The following CRPPA variants were observed in gnomAD, a reference collection of about 807,000 sequenced individuals.
CRPPA encodes D-ribitol-5-phosphate cytidylyltransferase.
Under a neutral mutation model 52.0 loss-of-function variants are expected in CRPPA, and 43 were observed. The ratio of observed to expected loss-of-function variants is 0.83; its 90% CI spans 0.65 to 1.07. CRPPA has a LOEUF of 1.07. Ranked by LOEUF, CRPPA falls within the 50% of genes least tolerant of loss-of-function variation. The probability of loss-of-function intolerance (pLI) is 0.00; values close to 1 mark genes in which losing one functional copy is unlikely to be tolerated. For missense variants in CRPPA, 629 were observed against 551.7 expected (o/e 1.14, Z -1.40); for synonymous variants, 250 against 203.5 (o/e 1.23, Z -1.94).
At chr7:16,126,634 T>C (rs1337596957) in intron 9 of CRPPA, among the ~76,000 whole-genome samples, 1 of 152,166 alleles carries the variant, frequency 6.6e-6, no homozygotes, top group East Asian at 1.9e-4. Flanking sequence ...TTGGAGATAC[T>C]GAAAACTAAA....
intron 8 of CRPPA, among the ~76,000 whole-genome samples, chr7:16,251,800 A>G (rs577138510): frequency 9.9e-5 from 15 of 152,178 alleles, no homozygotes; most frequent in Non-Finnish European, 2.2e-4. Flanking sequence ...TGATACTCCA[A>G]CATCACAATG....
chr7:16,376,944 C>A (rs1786905171), intron 2 of CRPPA, among the ~76,000 whole-genome samples: 1 of 152,136 alleles, frequency 6.6e-6, no homozygotes. Context: ...ACCAGAAGAA[C>A]TGCCTTAGTG....
chr7:16,320,981 A>C (rs1377895467), intron 3 of CRPPA, among the ~76,000 whole-genome samples: 3 of 152,136 alleles, frequency 2.0e-5, no homozygotes, highest in Non-Finnish European at 4.4e-5. Context: ...TCTTTGAGTA[A>C]AATTATTTAA....
intron 9 of CRPPA, among the ~76,000 whole-genome samples, chr7:16,130,605 G>A (rs183243577): frequency 1.3e-5 from 2 of 152,256 alleles, no homozygotes; most frequent in African/African-American, 2.4e-5. Context: ...GATTTGGAAG[G>A]CTTCCTGGAA....
In CRPPA at chr7:16,398,538, C is replaced by T. The variant is rs555316353; in HGVS notation, c.534+7523G>A. Among the ~76,000 whole-genome samples, 8 of 152,156 alleles carry T rather than the reference C, an allele frequency of 5.3e-5. No individual in the cohort carries two copies. In the East Asian group the frequency reaches 7.8e-4, roughly 15 times the overall value. On this transcript the variant is annotated intron_variant, in intron 2 of 9. Transcript: ENST00000407010. ...ATAGGTCCAAAATGTGACAAATGAT[C>T]GACATAAGTGACACGTGATCGTCAA...
intron 1 of CRPPA, among the ~76,000 whole-genome samples, chr7:16,411,485 T>G (rs1435280936): frequency 6.6e-6 from 1 of 151,948 alleles, no homozygotes; most frequent in East Asian, 1.9e-4. Context: ...TAATTTCTTG[T>G]AACTCAGGCA....
intron 9 of CRPPA, among the ~76,000 whole-genome samples, chr7:16,193,807 G>T (rs146250468): frequency 2.4e-4 from 37 of 152,006 alleles, no homozygotes; most frequent in African/African-American, 6.0e-4. Context: ...CAACTCCTCC[G>T]TGCGCTTATC....
chr7:16,274,300 G>C (rs536018062), intron 6 of CRPPA, among the ~76,000 whole-genome samples: 1 of 152,054 alleles, frequency 6.6e-6, no homozygotes, highest in Non-Finnish European at 1.5e-5. Context: ...CGCCCACCTC[G>C]GATCCCAAAT....
At chr7:16,401,595 G>C (rs1348940151) in intron 2 of CRPPA, among the ~76,000 whole-genome samples, 3 of 152,294 alleles carry the variant, frequency 2.0e-5, no homozygotes, top group Admixed American at 6.5e-5. Context: ...AGTCTCATTT[G>C]AGTCATCCTA....
intron 5 of CRPPA, among the ~76,000 whole-genome samples, chr7:16,282,713 T>G (rs571842279): frequency 1.8e-4 from 27 of 152,200 alleles, no homozygotes; most frequent in African/African-American, 6.0e-4. Flanking sequence ...CTCTCTTAAG[T>G]GAGCAAAACA....
At chr7:16,113,119 TAACA>T (rs956803958) in intron 9 of CRPPA, among the ~76,000 whole-genome samples, 16 of 151,802 alleles carry the variant, frequency 1.1e-4, no homozygotes, top group Middle Eastern at 3.4e-3. Context: ...AAACATAAAA[TAACA>T]AACAGAAATG....
chr7:16,397,040 AAC>A (rs1444300805), intron 2 of CRPPA, among the ~76,000 whole-genome samples: 1 of 152,150 alleles, frequency 6.6e-6, no homozygotes, highest in Admixed American at 6.5e-5. Flanking sequence ...ACAAATGTGT[AAC>A]ACATGTGACA....
intron 9 of CRPPA, among the ~76,000 whole-genome samples, chr7:16,178,327 A>T (rs892715824): frequency 2.0e-5 from 3 of 152,134 alleles, no homozygotes; most frequent in African/African-American, 7.2e-5. Context: ...AAAGTGAGTT[A>T]TTAGCGATTC....
chr7:16,213,027 A>G (rs1782193378), intron 9 of CRPPA, among the ~76,000 whole-genome samples: 1 of 152,236 alleles, frequency 6.6e-6, no homozygotes, highest in African/African-American at 2.4e-5. Context: ...ACAGAAGTTC[A>G]CATGCAAAAT....
At chr7:16,324,468 A>C (rs1177097137) in intron 3 of CRPPA, among the ~76,000 whole-genome samples, 1 of 152,234 alleles carries the variant, frequency 6.6e-6, no homozygotes, top group South Asian at 2.1e-4. Context: ...AACATGGGCC[A>C]GCAGAGAATG....
At chr7:16,105,222 C>G (rs1261351036) in intron 9 of CRPPA, among the ~76,000 whole-genome samples, 1 of 152,150 alleles carries the variant, frequency 6.6e-6, no homozygotes, top group African/African-American at 2.4e-5. Flanking sequence ...GGAAGAATAT[C>G]TTTTTTTAAA....
chr7:16,110,051 G>A (rs895305441), intron 9 of CRPPA, among the ~76,000 whole-genome samples: 5 of 151,812 alleles, frequency 3.3e-5, no homozygotes, highest in African/African-American at 1.2e-4. Flanking sequence ...ATAGAAAGCT[G>A]TTAACAGTTG....
At chr7:16,212,549 C>T (rs1229115729) in intron 9 of CRPPA, among the ~76,000 whole-genome samples, 1 of 152,096 alleles carries the variant, frequency 6.6e-6, no homozygotes, top group African/African-American at 2.4e-5. Context: ...TGAATAATTT[C>T]TCCAGGAAAA....
At chr7:16,117,358 T>C (rs992684737) in intron 9 of CRPPA, among the ~76,000 whole-genome samples, 1 of 152,192 alleles carries the variant, frequency 6.6e-6, no homozygotes, top group African/African-American at 2.4e-5. Flanking sequence ...CATATCTACA[T>C]GTGGAACTCT....
Sources: allele counts gnomAD v4.1 joint callset (sites outside exome capture counted in the v4.1 genomes callset), GRCh38; gene constraint gnomAD v4.1.1; transcripts MANE v1.5; gene names NCBI Gene and HGNC (gene_info 2026-07-23, HGNC 2026-07-21).